The following EXOC4 variants were observed in gnomAD, a reference collection of about 807,000 sequenced individuals.
EXOC4 encodes the protein SEC8-like 1.
In EXOC4, 71 loss-of-function variants were observed where a neutral mutation model predicts 107.2. The observed-to-expected ratio is 0.66, with a 90% confidence interval of 0.55 to 0.81. The LOEUF is 0.81. Ranked by LOEUF, EXOC4 falls within the 30% of genes least tolerant of loss-of-function variation. The pLI, the probability that EXOC4 is intolerant of heterozygous loss-of-function variation, is 0.00. For missense variants in EXOC4, 1,108 were observed against 1,189.6 expected, an observed-to-expected ratio of 0.93 and a Z score of 1.01; for synonymous variants, 456 against 441.2, an observed-to-expected ratio of 1.03 and a Z score of -0.42.
At chr7:133,558,206 C>CTTTTCTTTTCTTTTCTTTTCT (rs1800735928) in intron 9 of EXOC4, among the ~76,000 whole-genome samples, 1 of 134,382 alleles carries the variant, frequency 7.4e-6, no homozygotes, top group Non-Finnish European at 1.5e-5. Context: ...CTTTTCTTTT[C>CTTTTCTTTTCTTTTCTTTTCT]TTTTCTTTTC....
chr7:133,699,104 G>GT (rs1019801412), intron 10 of EXOC4, among the ~76,000 whole-genome samples: 2 of 152,132 alleles, frequency 1.3e-5, no homozygotes, highest in Non-Finnish European at 2.9e-5. Flanking sequence ...AAAGAGGATA[G>GT]TTCGAAATCT....
intron 14 of EXOC4, among the ~76,000 whole-genome samples, chr7:133,993,668 G>C (rs983761894): frequency 6.6e-6 from 1 of 152,162 alleles, no homozygotes; most frequent in Non-Finnish European, 1.5e-5. Context: ...TCAAGCAGTT[G>C]CTTCTTTTGG....
chr7:133,749,648 C>T (rs1795749731), intron 10 of EXOC4, among the ~76,000 whole-genome samples: 1 of 152,158 alleles, frequency 6.6e-6, no homozygotes, highest in South Asian at 2.1e-4. Flanking sequence ...CCCACTTTGG[C>T]CTCCTAAAGT....
At chr7:133,798,045 G>A (rs1357551017) in intron 10 of EXOC4, among the ~76,000 whole-genome samples, 5 of 152,152 alleles carry the variant, frequency 3.3e-5, no homozygotes. Context: ...AGTGAGTTGT[G>A]TAACTGTCTG....
intron 10 of EXOC4, among the ~76,000 whole-genome samples, chr7:133,781,802 A>C (rs1388007806): frequency 6.6e-6 from 1 of 152,198 alleles, no homozygotes; most frequent in Non-Finnish European, 1.5e-5. Flanking sequence ...TGTGTTCTGG[A>C]CTTACAACTC....
At chr7:133,798,432 CAAAGAAA>C (rs60331567) in intron 10 of EXOC4, among the ~76,000 whole-genome samples, 127,864 of 151,876 alleles carry the variant, frequency 0.84, 54,212 homozygotes, top group East Asian at 0.99. Context: ...GGCATATTTA[CAAAGAAA>C]TAAACAAAGG....
At chr7:133,565,275 T>A (rs1390783580) in intron 9 of EXOC4, among the ~76,000 whole-genome samples, 1 of 152,168 alleles carries the variant, frequency 6.6e-6, no homozygotes, top group Non-Finnish European at 1.5e-5. Context: ...CCGCCTCCAC[T>A]CTTAGTTTTC....
At chr7:133,720,941 G>A (rs928377420) in intron 10 of EXOC4, among the ~76,000 whole-genome samples, 1 of 152,090 alleles carries the variant, frequency 6.6e-6, no homozygotes, top group Non-Finnish European at 1.5e-5. Context: ...AGGAGCCTTC[G>A]ATTTTCCTAC....
chr7:134,099,410 G>C, the EXOC4 span, among the ~76,000 whole-genome samples: 1 of 151,792 alleles, frequency 6.6e-6, no homozygotes, highest in African/African-American at 2.4e-5. Flanking sequence ...CTTATACCTA[G>C]AGGGAAGGAA....
chr7:134,060,089 G>A (rs1007966957), intron 17 of EXOC4, among the ~76,000 whole-genome samples: 3 of 152,122 alleles, frequency 2.0e-5, no homozygotes, highest in African/African-American at 7.2e-5. Context: ...AAGAGAAAAT[G>A]ATCTGTTTGC....
At chr7:133,366,016 G>T (rs1796243201) in intron 6 of EXOC4, among the ~76,000 whole-genome samples, 1 of 152,202 alleles carries the variant, frequency 6.6e-6, no homozygotes, top group African/African-American at 2.4e-5. Flanking sequence ...ACAAGTAATA[G>T]AACAGAACTA....
chr7:133,930,597 A>G (rs1585256834), intron 13 of EXOC4: 1 of 151,958 alleles, frequency 6.6e-6, no homozygotes, highest in Non-Finnish European at 1.5e-5. Flanking sequence ...AAACGGGGAT[A>G]CAAAACGTGG....
rs150162378 is a variant in EXOC4, at chr7:133,429,562, A to G, written c.1183-45766A>G. Among the ~76,000 whole-genome samples, 190 of 152,294 alleles carry G rather than the reference A, an allele frequency of 1.2e-3. 1 individual carries two copies. The highest frequency in any genetic ancestry group is 2.3e-3 in the Non-Finnish European group (157 of 68,008). ...TCCAGAACATGTTCGTCACTCCAGGAAGAAAACTGGCCTTTAGCAATCACT... is the reference window on the plus strand; with the variant it reads ...TCCAGAACATGTTCGTCACTCCAGGGAGAAAACTGGCCTTTAGCAATCACT... On this transcript the variant is annotated intron_variant, in intron 7 of 17. Coordinates refer to ENST00000253861, the MANE Select transcript of EXOC4 (RefSeq NM_021807.4).
Position 133,963,689 on chromosome 7 carries a change from G to A in EXOC4, c.2206+25620G>A, listed in dbSNP as rs75015237. Among the ~76,000 whole-genome samples, 1,367 of 152,296 alleles carry A rather than the reference G, an allele frequency of 9.0e-3. 17 individuals are homozygous for A. The highest frequency in any genetic ancestry group is 0.012 in the Non-Finnish European group (822 of 68,020). ...AATTCCCATGAAAGCAGAGAAGAAC[G>A]TGAAATTGGCACTGAGTAAGAAAGT... On this transcript the variant is annotated intron_variant, in intron 14 of 17. Coordinates refer to ENST00000253861, the MANE Select transcript of EXOC4 (RefSeq NM_021807.4).
At chr7:133,416,880 G>A (rs1454368464) in intron 7 of EXOC4, among the ~76,000 whole-genome samples, 1 of 152,156 alleles carries the variant, frequency 6.6e-6, no homozygotes, top group Non-Finnish European at 1.5e-5. Flanking sequence ...CTGTTGGTAG[G>A]AAGAGGGCCT....
intron 11 of EXOC4, among the ~76,000 whole-genome samples, chr7:133,833,830 G>T (rs1797861936): frequency 6.6e-6 from 1 of 152,174 alleles, no homozygotes; most frequent in African/African-American, 2.4e-5. Flanking sequence ...CTCCCAACAT[G>T]TTGGATTTAT....
At chr7:133,483,012 CACATCTTT>C (rs1799190742) in intron 9 of EXOC4, among the ~76,000 whole-genome samples, 1 of 152,202 alleles carries the variant, frequency 6.6e-6, no homozygotes, top group Non-Finnish European at 1.5e-5. Context: ...GTGTTACTGC[CACATCTTT>C]AATGATGTTC....
chr7:133,870,096 T>C (rs1041810533), intron 11 of EXOC4, among the ~76,000 whole-genome samples: 1 of 152,228 alleles, frequency 6.6e-6, no homozygotes, highest in African/African-American at 2.4e-5. Flanking sequence ...TATACTGTGC[T>C]ATATCTAGTG....
At chr7:133,463,435 CCAGA>C (rs1798641438) in intron 7 of EXOC4, among the ~76,000 whole-genome samples, 1 of 151,982 alleles carries the variant, frequency 6.6e-6, no homozygotes, top group African/African-American at 2.4e-5. Context: ...ATGTGAGAAC[CCAGA>C]CATTCTTACA....
Sources: allele counts gnomAD v4.1 joint callset (sites outside exome capture counted in the v4.1 genomes callset), GRCh38; gene constraint gnomAD v4.1.1; transcripts MANE v1.5; gene names NCBI Gene and HGNC (gene_info 2026-07-23, HGNC 2026-07-21).